Variants in LSM2 observed in about 807,000 individuals in gnomAD.
LSM2 encodes the protein LSM2 homolog, U6 small nuclear RNA and mRNA degradation associated, also known as U6 snRNA-associated Sm-like protein LSm2.
In LSM2, 12 loss-of-function variants were observed where a neutral mutation model predicts 17.0. That is an observed-to-expected ratio of 0.70 (90% CI 0.45 to 1.14). The LOEUF is 1.14. LSM2 is among the 50% of genes most tolerant of loss of function. LSM2 has a pLI of 0.00. For missense variants in LSM2, 62 were observed against 111.8 expected (o/e 0.55, Z 2.01); for synonymous variants, 42 against 44.5 (o/e 0.94, Z 0.22).
intron 2 of LSM2, 90 bp downstream of exon 2, chr6:31,805,985 C>G: frequency 8.7e-7 from 1 of 1,155,136 alleles, no homozygotes; most frequent in South Asian, 1.3e-5. Context: ...TCTTCCACCT[C>G]GCCTAGCCCT....
Position 31,801,657 on chromosome 6 carries a change from G to A in LSM2, c.72-3150C>T, listed in dbSNP as rs139284411. Among the ~76,000 whole-genome samples, 447 of 152,110 alleles carry A rather than the reference G, an allele frequency of 2.9e-3. 8 individuals are homozygous for A. Among genetic ancestry groups the A allele is most frequent in the African/African-American group, 0.01 (416 of 41,516 alleles). On this transcript the variant is annotated intron_variant, in intron 2 of 4. Coordinates refer to ENST00000375661, the MANE Select transcript of LSM2 (RefSeq NM_021177.5). ...TAAAAATACAAAAAATTAGCTGGGA[G>A]TGGTGGCATGCACCGGTAATCCCAG...
rs1473150091 is a variant in LSM2, at chr6:31,797,790, C to A, written c.255G>T (p.Ala85=). The A allele has an allele frequency of 6.2e-7, 1 of 1,612,980 alleles. No homozygotes were observed. The highest frequency in any genetic ancestry group is 1.1e-5 in the South Asian group (1 of 91,074). Reference sequence around the variant, plus strand: ...TCTGCTGCAGGGCTTCCTTCCTTGCCGCATCCTGTAGCAACTGTGTGTCGA... The same window carrying A: ...TCTGCTGCAGGGCTTCCTTCCTTGCAGCATCCTGTAGCAACTGTGTGTCGA... ...DEVDTQLLQD[A]ARKEALQQKQ The change falls in exon 5 of 5, where the codon GCG becomes GCT. Residue 85 remains alanine, a synonymous_variant. Transcript: ENST00000375661.
In LSM2 at chr6:31,802,173, G is replaced by T. The variant is rs1046646177; in HGVS notation, c.72-3666C>A. ...CAGGCACTTGTAATCCCAGCTACTT[G>T]GGAGACTGAGGCAGGAGAATCACTT... On this transcript the variant is annotated intron_variant, in intron 2 of 4. Transcript: ENST00000375661. Among the ~76,000 whole-genome samples, 11 of 151,914 alleles carry T rather than the reference G, an allele frequency of 7.2e-5. 1 individual carries two copies. The East Asian group carries it at 2.1e-3, about 29-fold the overall frequency.
At position 31,797,652 on chromosome 6, in the gene LSM2, T is replaced by TA. The variant is rs1254890191; in HGVS notation, c.*104dup. The TA allele has an allele frequency of 4.6e-6, 7 of 1,536,998 alleles. No individual in the cohort carries two copies. The highest frequency in any genetic ancestry group is 4.5e-5 in the East Asian group (2 of 44,324). On this transcript the variant is annotated 3_prime_UTR_variant, in exon 5 of 5. Coordinates refer to ENST00000375661, the MANE Select transcript of LSM2 (RefSeq NM_021177.5). ...AAAAAACCCACAAAACCATCATTAG[T>TA]AAAAAAACAAAACCCCTTCAAGTAT...
At position 31,797,751 on chromosome 6, in the gene LSM2, G is replaced by GA. The variant is rs1482388101; in HGVS notation, c.*5dup. On this transcript the variant is annotated 3_prime_UTR_variant, in exon 5 of 5. Coordinates refer to ENST00000375661, the MANE Select transcript of LSM2 (RefSeq NM_021177.5). ...GAAAGAGGGAGGGGAAGAGGAGGAG[G>GA]AGCCATCACTGTTTCTGCTGCAGGG... 1.9e-6 allele frequency: 3 copies of GA among 1,612,372 alleles called. No individual in the cohort carries two copies. The highest frequency in any genetic ancestry group is 2.5e-6 in the Non-Finnish European group (3 of 1,179,920).
At chr6:31,801,147 G>A (rs369660259) in intron 2 of LSM2, among the ~76,000 whole-genome samples, 2 of 144,848 alleles carry the variant, frequency 1.4e-5, no homozygotes, top group African/African-American at 2.6e-5. Context: ...TTCCAGCCTC[G>A]GTGACAGAGT....
rs1335771909 is a variant in LSM2, at chr6:31,797,858, G to T, written c.187C>A (p.Arg63=). The part of the protein sequence containing the change: ...HMLSVKNCFI[R]GSVVRYVQLP... Reference sequence around the variant, plus strand: ...TGCACGTATCGGACCACTGAGCCCCGAATGAAGCAGTTCTTCACTGATAAC... The same window carrying T: ...TGCACGTATCGGACCACTGAGCCCCTAATGAAGCAGTTCTTCACTGATAAC... Residue 63 remains arginine, a synonymous_variant, in exon 5 of 5, where the codon CGG becomes AGG. Coordinates refer to ENST00000375661, the MANE Select transcript of LSM2 (RefSeq NM_021177.5). 1.2e-6 allele frequency: 2 copies of T among 1,612,918 alleles called. No homozygotes were observed. The highest frequency in any genetic ancestry group is 2.7e-5 in the African/African-American group (2 of 74,992).
intron 2 of LSM2, among the ~76,000 whole-genome samples, chr6:31,803,663 G>A (rs1290413837): frequency 6.6e-6 from 1 of 150,798 alleles, no homozygotes; most frequent in African/African-American, 2.4e-5. Flanking sequence ...TCACTACAAC[G>A]TCCGCCTCCC....
At position 31,806,957 on chromosome 6, in the gene LSM2, T is replaced by G. The variant is rs1815089979; in HGVS notation, c.-200A>C. ...GCTGGGGAGCGCAAGCTGGGTAGAG[T>G]AGAGGGGAGGAGGAAGCCGGGAAAG... On this transcript the variant is annotated 5_prime_UTR_variant, in exon 1 of 5. Transcript: ENST00000375661. The G allele has an allele frequency of 1.6e-6, 1 of 618,950 alleles. No individual in the cohort carries two copies. Among genetic ancestry groups the G allele is most frequent in the Non-Finnish European group, 2.7e-6 (1 of 368,890 alleles). 38.3% of individuals were successfully genotyped at this position (618,950 alleles called of 1,614,324 possible).
intron 2 of LSM2, among the ~76,000 whole-genome samples, chr6:31,800,731 CA>C (rs1296544709): frequency 6.6e-6 from 1 of 151,700 alleles, no homozygotes; most frequent in Non-Finnish European, 1.5e-5. Flanking sequence ...ACTAAAAATA[CA>C]AAAAATTAGC....
rs113500265 is a variant in LSM2, at chr6:31,805,369, C to CTT, written c.71+704_71+705dup. 1.5e-3 allele frequency among the ~76,000 whole-genome samples: 217 copies of CTT among 143,334 alleles called. 2 individuals carry two copies. The highest frequency in any genetic ancestry group is 3.5e-3 in the Middle Eastern group (1 of 282). The allele number at this position is 143,334 out of a possible 152,430, so 94.0% of individuals were successfully genotyped here. Reference sequence around the variant, plus strand: ...GCCACCATGGCCAGCCTAGTACTTACTTTTTTTTTTTTTTGAGACAGAATC... The same window carrying CTT: ...GCCACCATGGCCAGCCTAGTACTTACTTTTTTTTTTTTTTTTGAGACAGAATC... On this transcript the variant is annotated intron_variant, in intron 2 of 4. Coordinates refer to ENST00000375661, the MANE Select transcript of LSM2 (RefSeq NM_021177.5).
chr6:31,806,789 G>T lies in LSM2; in HGVS notation c.-32C>A. On this transcript the variant is annotated 5_prime_UTR_variant, in exon 1 of 5. Transcript: ENST00000375661. ...GGCGCCGCGGGCAGCGGGCCGGACCGGGAAGACAGCAGGGTGCTGCGAGCA... is the reference window on the plus strand; with the variant it reads ...GGCGCCGCGGGCAGCGGGCCGGACCTGGAAGACAGCAGGGTGCTGCGAGCA... 6.2e-7 allele frequency: 1 copy of T among 1,607,284 alleles called. No individual in the cohort carries two copies. The highest frequency in any genetic ancestry group is 1.7e-5 in the Admixed American group (1 of 58,666).
At chr6:31,802,142 T>A (rs531506493) in intron 2 of LSM2, among the ~76,000 whole-genome samples, 2 of 151,934 alleles carry the variant, frequency 1.3e-5, no homozygotes, top group South Asian at 4.2e-4. Context: ...TAGCCAGGTA[T>A]GGTGGCAGGC....
chr6:31,798,448 C>T, intron 3 of LSM2, 29 bp downstream of exon 3: 1 of 1,612,652 alleles, frequency 6.2e-7, no homozygotes, highest in Non-Finnish European at 8.5e-7. Context: ...TCTCCAGGAA[C>T]CAATTCTGGG....
rs755054621 is a variant in LSM2, at chr6:31,806,156, G to C, written c.4-14C>G. The C allele has an allele frequency of 6.2e-7, 1 of 1,611,996 alleles. No individual in the cohort carries two copies. The highest frequency in any genetic ancestry group is 1.7e-5 in the Admixed American group (1 of 59,956). ...AGAATAGAAGAGCTATTGGGAGAGA[G>C]GGGGAAAACCATCATGTGGGAAGGA... On this transcript the variant is annotated splice_polypyrimidine_tract_variant and intron_variant, in intron 1 of 4. Coordinates refer to ENST00000375661, the MANE Select transcript of LSM2 (RefSeq NM_021177.5).
intron 2 of LSM2, among the ~76,000 whole-genome samples, chr6:31,799,398 C>T (rs1449717527): frequency 6.6e-6 from 1 of 152,038 alleles, no homozygotes; most frequent in African/African-American, 2.4e-5. Context: ...GCTCTGTCGG[C>T]CAGTCTGGAG....
intron 2 of LSM2, 57 bp downstream of exon 2, chr6:31,806,018 G>T: frequency 6.8e-7 from 1 of 1,470,754 alleles, no homozygotes; most frequent in Admixed American, 1.8e-5. Context: ...AAATTAAAGA[G>T]GTTCCAGGGC....
rs1381693198 is a variant in LSM2, at chr6:31,806,926, C to G, written c.-169G>C. 1 of 894,108 alleles carries G rather than the reference C, an allele frequency of 1.1e-6. No individual in the cohort carries two copies. The highest frequency in any genetic ancestry group is 1.7e-6 in the Non-Finnish European group (1 of 604,872). 55.4% of individuals were successfully genotyped at this position (894,108 alleles called of 1,614,324 possible). A position where few individuals can be genotyped will look rare whatever the true frequency, so the allele number is the denominator to read the frequency against. ...GCGCTGACGGGCAAAGCGCGGCCGACTTGCGGCTGGGGAGCGCAAGCTGGG... is the reference window on the plus strand; with the variant it reads ...GCGCTGACGGGCAAAGCGCGGCCGAGTTGCGGCTGGGGAGCGCAAGCTGGG... On this transcript the variant is annotated 5_prime_UTR_variant, in exon 1 of 5. Coordinates refer to ENST00000375661, the MANE Select transcript of LSM2 (RefSeq NM_021177.5).
At chr6:31,798,172 C>T in intron 3 of LSM2, 123 bp from the exon 4 acceptor site, 1 of 961,288 alleles carries the variant, frequency 1.0e-6, no homozygotes, top group Non-Finnish European at 1.5e-6. Flanking sequence ...ATCTCCGCCT[C>T]CTGGGTTCAA....
Sources: gnomAD v4.1 joint callset for allele counts (sites outside exome capture counted in the v4.1 genomes callset) on GRCh38, gnomAD v4.1.1 for gene constraint, MANE v1.5 for transcripts, NCBI Gene and HGNC (gene_info 2026-07-23, HGNC 2026-07-21) for gene names.